Variants in ELMO1 observed in about 807,000 individuals in gnomAD.
The protein encoded by ELMO1 is engulfment and cell motility 1, also known as engulfment and cell motility protein 1.
In ELMO1, 26 loss-of-function variants were observed where a neutral mutation model predicts 98.9. The observed-to-expected ratio is 0.26, with a 90% confidence interval of 0.19 to 0.36. The LOEUF (loss-of-function observed/expected upper bound fraction) is 0.36. ELMO1 is among the 10% of genes least tolerant of loss of function. ELMO1 has a pLI of 1.00. For missense variants in ELMO1, 627 were observed against 935.2 expected (o/e 0.67, Z 4.30); for synonymous variants, 346 against 346.0 (o/e 1.00, Z 0.00).
chr7:37,295,621 A>C (rs953813926), intron 4 of ELMO1, among the ~76,000 whole-genome samples: 2 of 152,220 alleles, frequency 1.3e-5, no homozygotes, highest in African/African-American at 4.8e-5. Flanking sequence ...TTACATTCTT[A>C]CAACAACCAA....
At chr7:37,091,269 G>A (rs533644550) in intron 15 of ELMO1, among the ~76,000 whole-genome samples, 5 of 152,044 alleles carry the variant, frequency 3.3e-5, no homozygotes, top group East Asian at 1.9e-4. Context: ...CACCATGCCC[G>A]GCTAATTTTG....
Position 36,870,570 on chromosome 7 carries a change from G to T in ELMO1, c.1823-95C>A. ...ACTAAGCACTGGGTCCGCTACTGTG[G>T]TTACCATTCCCAGAAACTACTGCAA... is the stretch of plus-strand genomic sequence containing the variant. On this transcript the variant is annotated intron_variant, in intron 19 of 21. Transcript: ENST00000310758. This position sits in a 1 kb window ranked among gnomAD's most constrained non-coding sequence, Gnocchi z 4.4. 8.6e-7 allele frequency: 1 copy of T among 1,164,276 alleles called. No individual in the cohort carries two copies. Among genetic ancestry groups the T allele is most frequent in the Non-Finnish European group, 1.2e-6 (1 of 824,658 alleles). The allele number at this position is 1,164,276 out of a possible 1,614,324, so 72.1% of individuals were successfully genotyped here.
chr7:37,439,760 A>T (rs1805314938), intron 1 of ELMO1, among the ~76,000 whole-genome samples: 1 of 152,252 alleles, frequency 6.6e-6, no homozygotes, highest in Non-Finnish European at 1.5e-5. Context: ...TGGAGAATGG[A>T]CAGTAATTGA....
intron 4 of ELMO1, among the ~76,000 whole-genome samples, chr7:37,294,411 A>G (rs1338537567): frequency 1.3e-5 from 2 of 151,996 alleles, no homozygotes; most frequent in African/African-American, 4.8e-5. Context: ...CATGGCTAAC[A>G]TTAGCCAGGC....
chr7:37,135,407 C>T (rs770412811), intron 13 of ELMO1, among the ~76,000 whole-genome samples: 4 of 152,146 alleles, frequency 2.6e-5, no homozygotes, highest in South Asian at 2.1e-4. Context: ...GGATCACCAC[C>T]GCAGGCTCCC....
intron 13 of ELMO1, chr7:37,204,139 T>C: frequency 2.2e-6 from 1 of 456,508 alleles, no homozygotes. Context: ...TCTCACCGCC[T>C]GGCGATGGGC....
chr7:36,966,341 T>C (rs920655457), intron 16 of ELMO1, among the ~76,000 whole-genome samples: 1 of 152,202 alleles, frequency 6.6e-6, no homozygotes, highest in Non-Finnish European at 1.5e-5. Context: ...GTGAAGGTTA[T>C]TTATATTTGG....
At chr7:37,267,653 G>C (rs1253241971) in intron 5 of ELMO1, among the ~76,000 whole-genome samples, 2 of 152,228 alleles carry the variant, frequency 1.3e-5, no homozygotes, top group East Asian at 1.9e-4. Context: ...CTCACACTTA[G>C]ATTATCTAGG....
At chr7:37,252,968 A>G (rs985579028) in intron 6 of ELMO1, among the ~76,000 whole-genome samples, 4 of 152,264 alleles carry the variant, frequency 2.6e-5, no homozygotes, top group Non-Finnish European at 4.4e-5. Flanking sequence ...CAACAAACAC[A>G]TGAAAAAAAG....
At chr7:37,044,940 C>T (rs888477493) in intron 15 of ELMO1, among the ~76,000 whole-genome samples, 49 of 152,290 alleles carry the variant, frequency 3.2e-4, no homozygotes, top group African/African-American at 8.2e-4. Flanking sequence ...TTAATTTCCA[C>T]GCTAGGTGTT....
intron 1 of ELMO1, among the ~76,000 whole-genome samples, chr7:37,387,885 G>A (rs1802876663): frequency 6.6e-6 from 1 of 152,142 alleles, no homozygotes; most frequent in Non-Finnish European, 1.5e-5. Flanking sequence ...AGGCTGAAGT[G>A]CAGTGGCACA....
chr7:37,279,245 C>T (rs1797013906), intron 4 of ELMO1, among the ~76,000 whole-genome samples: 1 of 151,964 alleles, frequency 6.6e-6, no homozygotes, highest in Non-Finnish European at 1.5e-5. Flanking sequence ...TGTGTGAGGG[C>T]TACTACCTCA....
At chr7:37,410,262 A>C (rs1000516048) in intron 1 of ELMO1, among the ~76,000 whole-genome samples, 1 of 152,252 alleles carries the variant, frequency 6.6e-6, no homozygotes, top group Admixed American at 6.5e-5. Context: ...AGCTCCCTAA[A>C]GTTTTGCTAA....
chr7:37,365,760 A>G (rs1801879010), intron 1 of ELMO1, among the ~76,000 whole-genome samples: 1 of 152,204 alleles, frequency 6.6e-6, no homozygotes, highest in Non-Finnish European at 1.5e-5. Flanking sequence ...CACTTAAACA[A>G]TTATTCCAAC....
rs189054928 is a variant in ELMO1 at position 36,922,739 on chromosome 7, T to G, written c.1438-27722A>C. On this transcript the variant is annotated intron_variant, in intron 16 of 21. Transcript: ENST00000310758. Reference sequence around the variant, plus strand: ...GCAATAGTAAGTGTTCCCATGTGGATGCTACACTCAGCTGCCAGCATCGAT... The same window carrying G: ...GCAATAGTAAGTGTTCCCATGTGGAGGCTACACTCAGCTGCCAGCATCGAT... Among the ~76,000 whole-genome samples the G allele has an allele frequency of 3.2e-3, 485 of 152,326 alleles. 3 individuals are homozygous for G. Among genetic ancestry groups the G allele is most frequent in the Non-Finnish European group, 5.4e-3 (368 of 68,026 alleles).
chr7:36,913,115 A>G (rs533750090), intron 16 of ELMO1, among the ~76,000 whole-genome samples: 21 of 152,198 alleles, frequency 1.4e-4, no homozygotes, highest in Non-Finnish European at 2.2e-4. Context: ...CATGCACAAC[A>G]TGAAATTCTG....
intron 16 of ELMO1, among the ~76,000 whole-genome samples, chr7:37,012,513 A>G (rs1224278737): frequency 6.6e-6 from 1 of 152,200 alleles, no homozygotes; most frequent in African/African-American, 2.4e-5. Flanking sequence ...CAGCAAATTA[A>G]AAGTACTAAA....
At chr7:37,287,599 G>T (rs561453429) in intron 4 of ELMO1, among the ~76,000 whole-genome samples, 2 of 152,292 alleles carry the variant, frequency 1.3e-5, no homozygotes, top group African/African-American at 4.8e-5. Context: ...TCCTATCATG[G>T]CTTGTTGCTG....
At chr7:37,041,444 T>C (rs1022985216) in intron 15 of ELMO1, among the ~76,000 whole-genome samples, 10 of 152,136 alleles carry the variant, frequency 6.6e-5, no homozygotes, top group African/African-American at 2.4e-4. Context: ...ATTGCAGCAG[T>C]GGTCTATGTG....
Sources: allele counts gnomAD v4.1 joint callset (sites outside exome capture counted in the v4.1 genomes callset), GRCh38; gene constraint gnomAD v4.1.1; non-coding constraint Gnocchi (gnomAD v3.1); transcripts MANE v1.5; gene names NCBI Gene and HGNC (gene_info 2026-07-23, HGNC 2026-07-21).